Variants in C2CD3 observed in about 807,000 individuals in gnomAD.
C2CD3 encodes the protein C2 domain containing 3 centriole elongation regulator.
Under a neutral mutation model 234.0 loss-of-function variants are expected in C2CD3, and 148 were observed. The observed-to-expected ratio is 0.63, with a 90% CI of 0.55 to 0.72. C2CD3 has a LOEUF of 0.72. Among genes scored for constraint, C2CD3 ranks in the 30% least tolerant of loss-of-function variants. The pLI is 0.00. For synonymous variants in C2CD3, 1,000 were observed against 1,035.4 expected, an observed-to-expected ratio of 0.97 and a Z score of 0.66; for missense variants, 2,577 against 2,811.5, an observed-to-expected ratio of 0.92 and a Z score of 1.89.
In C2CD3 at chr11:74,098,161, G is replaced by C; in HGVS notation, c.2827C>G (p.Gln943Glu). The change falls in exon 16 of 33, where the codon CAA becomes GAA. Residue 943 changes from glutamine (Q) to glutamate (E), a missense_variant. Coordinates refer to ENST00000334126, the MANE Select transcript of C2CD3 (RefSeq NM_001286577.2). ...MPVIDVFSGH[Q>E]NGSLRVFLAM... ...AAAAAGACTCGAAGACTCCCATTTTGGTGGCCTGAAAACACATCAATCACA... is the reference window on the plus strand; with the variant it reads ...AAAAAGACTCGAAGACTCCCATTTTCGTGGCCTGAAAACACATCAATCACA... 1.2e-6 allele frequency: 2 copies of C among 1,613,992 alleles called. No homozygotes were observed. The highest frequency in any genetic ancestry group is 2.7e-5 in the African/African-American group (2 of 75,006).
intron 21 of C2CD3, 126 bp downstream of exon 21, chr11:74,085,492 A>T (rs1165358345): frequency 1.1e-5 from 10 of 929,486 alleles, no homozygotes; most frequent in Admixed American, 2.7e-5. Context: ...TATCTTTCAG[A>T]AATAAGTTGC....
chr11:74,112,639 A>G (rs1014530619), intron 11 of C2CD3, among the ~76,000 whole-genome samples: 4 of 152,216 alleles, frequency 2.6e-5, no homozygotes, highest in Non-Finnish European at 5.9e-5. Context: ...TGAACAAAGG[A>G]TCTGAATAGA....
chr11:74,135,377 C>T (rs370440845), intron 5 of C2CD3, among the ~76,000 whole-genome samples: 1 of 152,072 alleles, frequency 6.6e-6, no homozygotes, highest in South Asian at 2.1e-4. Context: ...AAGTGATCCT[C>T]CCACCACAGC....
chr11:74,140,447 A>G (rs1462987833), intron 3 of C2CD3, among the ~76,000 whole-genome samples: 1 of 152,220 alleles, frequency 6.6e-6, no homozygotes, highest in African/African-American at 2.4e-5. Context: ...CCATTTACTG[A>G]ACCTTTTACT....
At position 74,111,919 on chromosome 11, in the gene C2CD3, TACACACACACACACACACAC is replaced by T. The variant is rs61499954; in HGVS notation, c.1843+1841_1843+1860del. Among the ~76,000 whole-genome samples, 124 of 125,200 alleles carry T rather than the reference TACACACACACACACACACAC, an allele frequency of 9.9e-4. 1 individual carries two copies. Among genetic ancestry groups the T allele is most frequent in the Middle Eastern group, 3.7e-3 (1 of 270 alleles). 82.1% of individuals were successfully genotyped at this position (125,200 alleles called of 152,430 possible). On this transcript the variant is annotated intron_variant, in intron 11 of 32. Transcript: ENST00000334126. ...CCCCTGGAGTAAACATATTTGCTGA[TACACACACACACACACACAC>T]ACACACACACACACACACACACACA...
chr11:74,024,783 CG>C (rs981809516), intron 32 of C2CD3, among the ~76,000 whole-genome samples: 4 of 152,042 alleles, frequency 2.6e-5, no homozygotes, highest in African/African-American at 7.2e-5. Flanking sequence ...CAGCCAGGAG[CG>C]TAAGATTCTG....
chr11:74,053,058 AGTT>A (rs904889027), intron 26 of C2CD3, among the ~76,000 whole-genome samples: 29 of 152,328 alleles, frequency 1.9e-4, no homozygotes, highest in Admixed American at 1.6e-3. Flanking sequence ...CAATTTTCCA[AGTT>A]TTCCAATCTT....
intron 3 of C2CD3, among the ~76,000 whole-genome samples, chr11:74,154,893 A>C (rs1230511945): frequency 1.3e-5 from 2 of 152,274 alleles, no homozygotes; most frequent in African/African-American, 4.8e-5. Flanking sequence ...ATTAGATATC[A>C]GTACATACTC....
rs574193061 is a variant in C2CD3, at chr11:74,049,288, T to C, written c.5361+49A>G. On this transcript the variant is annotated intron_variant, in intron 27 of 32. Coordinates refer to ENST00000334126, the MANE Select transcript of C2CD3 (RefSeq NM_001286577.2). Reference sequence around the variant, plus strand: ...CAAACATGAGTAAAGGATGTTCTTATAGGTCAGTACAATTCGTATTGGTTA... The same window carrying C: ...CAAACATGAGTAAAGGATGTTCTTACAGGTCAGTACAATTCGTATTGGTTA... 24 of 1,467,086 alleles carry C rather than the reference T, an allele frequency of 1.6e-5. No individual in the cohort carries two copies. The South Asian group carries it at 1.8e-4, about 11-fold the overall frequency. The allele number at this position is 1,467,086 out of a possible 1,614,324, so 90.9% of individuals were successfully genotyped here. A position where few individuals can be genotyped will look rare whatever the true frequency, so the allele number is the denominator to read the frequency against.
intron 24 of C2CD3, among the ~76,000 whole-genome samples, chr11:74,062,088 T>C (rs894293690): frequency 6.6e-6 from 1 of 152,120 alleles, no homozygotes; most frequent in Non-Finnish European, 1.5e-5. Flanking sequence ...CCTAAATATA[T>C]ATGCACCCAA....
At chr11:74,041,611 G>A (rs974480513) in intron 29 of C2CD3, among the ~76,000 whole-genome samples, 1 of 152,160 alleles carries the variant, frequency 6.6e-6, no homozygotes, top group Non-Finnish European at 1.5e-5. Context: ...CTTTTCATTA[G>A]ATAAGCTAGG....
intron 5 of C2CD3, among the ~76,000 whole-genome samples, chr11:74,136,939 A>C (rs1189535193): frequency 3.3e-5 from 5 of 149,834 alleles, no homozygotes; most frequent in Non-Finnish European, 5.9e-5. Context: ...CCAGAACTTA[A>C]AAGTAAATAA....
intron 32 of C2CD3, among the ~76,000 whole-genome samples, chr11:74,016,985 T>C (rs1158988740): frequency 6.6e-6 from 1 of 151,980 alleles, no homozygotes; most frequent in Non-Finnish European, 1.5e-5. Context: ...AACTTAAACA[T>C]GAAGGTGGAA....
Position 74,049,555 on chromosome 11 carries a change from G to C in C2CD3, c.5156-13C>G, listed in dbSNP as rs1467056684. ...ACCCTCTCCTCATCTGTAGAGGAAAGAGAAGAGCTGGGCAATGTGGCTAGG... is the reference window on the plus strand; with the variant it reads ...ACCCTCTCCTCATCTGTAGAGGAAACAGAAGAGCTGGGCAATGTGGCTAGG... On this transcript the variant is annotated splice_polypyrimidine_tract_variant and intron_variant, in intron 26 of 32. Transcript: ENST00000334126. 1 of 1,607,366 alleles carries C rather than the reference G, an allele frequency of 6.2e-7. No homozygotes were observed. Among genetic ancestry groups the C allele is most frequent in the Non-Finnish European group, 8.5e-7 (1 of 1,176,184 alleles).
In C2CD3 at chr11:74,170,995, T is replaced by C. The variant is rs775517067; in HGVS notation, c.-203A>G. The C allele has an allele frequency of 8.3e-7, 1 of 1,209,546 alleles. No homozygotes were observed. The highest frequency in any genetic ancestry group is 1.3e-5 in the South Asian group (1 of 74,314). 74.9% of individuals were successfully genotyped at this position (1,209,546 alleles called of 1,614,324 possible). A position where few individuals can be genotyped will look rare whatever the true frequency, so the allele number is the denominator to read the frequency against. ...AGGCGCCAAGACGCCTTCCCTCCAA[T>C]ACACTACAATACCCAGGACGCTTTG... On this transcript the variant is annotated 5_prime_UTR_variant, in exon 1 of 33. Coordinates refer to ENST00000334126, the MANE Select transcript of C2CD3 (RefSeq NM_001286577.2).
At chr11:74,084,105 A>T (rs1310227450) in intron 22 of C2CD3, among the ~76,000 whole-genome samples, 2 of 152,180 alleles carry the variant, frequency 1.3e-5, no homozygotes, top group Non-Finnish European at 2.9e-5. Context: ...ATGGAATACT[A>T]TGCAGCCATA....
chr11:74,013,763 C>T (rs1343930358), intron 32 of C2CD3, among the ~76,000 whole-genome samples: 1 of 152,150 alleles, frequency 6.6e-6, no homozygotes, highest in East Asian at 1.9e-4. Flanking sequence ...ACTCAAGGTC[C>T]CACAGCTCTG....
intron 11 of C2CD3, among the ~76,000 whole-genome samples, chr11:74,111,378 C>T (rs1956737438): frequency 6.6e-6 from 1 of 152,150 alleles, no homozygotes; most frequent in Non-Finnish European, 1.5e-5. Context: ...TACCCTACCT[C>T]ATGTGATGGG....
chr11:74,139,683 G>T lies in C2CD3; in HGVS notation c.629C>A (p.Ser210Ter). The T allele has an allele frequency of 1.2e-6, 2 of 1,613,964 alleles. No homozygotes were observed. Among genetic ancestry groups the T allele is most frequent in the Non-Finnish European group, 1.7e-6 (2 of 1,179,884 alleles). Residue 210 changes from serine (S) to a stop codon, truncating the protein, a stop_gained, in exon 4 of 33, where the codon TCA (serine) becomes TAA (stop). Transcript: ENST00000334126. LOFTEE classifies it high-confidence loss of function. Reference sequence around the variant, plus strand: ...GATGGTATGTATGTCGCGAGGCCTTGATGGAACCTGAAACTGGGTACTGCT... The same window carrying T: ...GATGGTATGTATGTCGCGAGGCCTTTATGGAACCTGAAACTGGGTACTGCT... ...EPSSTQFQVP[S>*]RPRDIHTIKI...
Sources: allele counts gnomAD v4.1 joint callset (sites outside exome capture counted in the v4.1 genomes callset), GRCh38; gene constraint gnomAD v4.1.1; transcripts MANE v1.5; gene names NCBI Gene and HGNC (gene_info 2026-07-23, HGNC 2026-07-21).